GRM8: variants seen among roughly 807,000 people sequenced by gnomAD.
GRM8 encodes the protein glutamate metabotropic receptor 8.
In GRM8, 47 loss-of-function variants were observed where a neutral mutation model predicts 87.2. The ratio of observed to expected loss-of-function variants is 0.54; its 90% CI spans 0.43 to 0.69. The LOEUF is 0.69. Among genes scored for constraint, GRM8 ranks in the 30% least tolerant of loss-of-function variants. The pLI is 0.00. For missense variants in GRM8, 1,019 were observed against 1,139.2 expected (o/e 0.89, Z 1.52); for synonymous variants, 396 against 404.5 (o/e 0.98, Z 0.25).
intron 9 of GRM8, among the ~76,000 whole-genome samples, chr7:126,475,732 A>C (rs1179641966): frequency 1.3e-5 from 2 of 152,188 alleles, no homozygotes; most frequent in African/African-American, 4.8e-5. Flanking sequence ...ACAAAGCTAT[A>C]GTAATCAAAA....
In GRM8 at chr7:126,769,984, G is replaced by A; in HGVS notation, c.1238C>T (p.Ala413Val). 6.2e-7 allele frequency: 1 copy of A among 1,612,104 alleles called. No homozygotes were observed. The highest frequency in any genetic ancestry group is 8.5e-7 in the Non-Finnish European group (1 of 1,178,438). ...QFVIDAVYSM[A>V]YALHNMHKDL... The stretch of plus-strand genomic sequence containing the variant: ...TTTGTGCATATTGTGCAGGGCGTAA[G>A]CCATGGAATATACAGCATCAATTAC... The change falls in exon 7 of 11, where the codon GCT becomes GTT. Residue 413 changes from alanine (A) to valine (V), a missense_variant. Transcript: ENST00000339582.
chr7:127,094,392 C>T (rs1304844008), intron 3 of GRM8, among the ~76,000 whole-genome samples: 1 of 152,128 alleles, frequency 6.6e-6, no homozygotes, highest in Non-Finnish European at 1.5e-5. Context: ...ATGGGTAATC[C>T]CAGGGCCAAA....
In GRM8 at chr7:127,207,415, G is replaced by C. The variant is rs373404430; in HGVS notation, c.510+35280C>G. Among the ~76,000 whole-genome samples the C allele has an allele frequency of 2.6e-5, 4 of 152,126 alleles. No homozygotes were observed. In the South Asian group the frequency reaches 6.3e-4, roughly 24 times the overall value. On this transcript the variant is annotated intron_variant, in intron 2 of 10. Transcript: ENST00000339582. ...ATCATAAATGCTCATTTACTTATTC[G>C]ACAAATGCTTACTGAATGTTGGCAA...
intron 6 of GRM8, among the ~76,000 whole-genome samples, chr7:126,893,324 T>C (rs1329083206): frequency 6.6e-6 from 1 of 152,014 alleles, no homozygotes; most frequent in African/African-American, 2.4e-5. Flanking sequence ...ACTATATGTG[T>C]TTCTAGAATC....
intron 3 of GRM8, among the ~76,000 whole-genome samples, chr7:127,034,478 A>G (rs1218612647): frequency 6.6e-6 from 1 of 152,224 alleles, no homozygotes; most frequent in Non-Finnish European, 1.5e-5. Context: ...CAGCTAATCC[A>G]CTGCACAAAA....
At chr7:127,113,333 T>A (rs1407388170) in intron 2 of GRM8, among the ~76,000 whole-genome samples, 5 of 152,192 alleles carry the variant, frequency 3.3e-5, no homozygotes, top group Admixed American at 6.5e-5. Flanking sequence ...AAAGCACAGC[T>A]TAGAGGAAGC....
intron 8 of GRM8, among the ~76,000 whole-genome samples, chr7:126,598,059 CT>C (rs1797377614): frequency 6.6e-6 from 1 of 152,042 alleles, no homozygotes; most frequent in Admixed American, 6.6e-5. Context: ...ACCTAGCCTT[CT>C]TAATTCCCCT....
chr7:127,129,697 A>G (rs879526905), intron 2 of GRM8, among the ~76,000 whole-genome samples: 11 of 152,156 alleles, frequency 7.2e-5, no homozygotes, highest in Non-Finnish European at 1.0e-4. Context: ...TGGCAGCCCA[A>G]TCGTGAATGT....
At chr7:126,580,606 G>GAT (rs1795519706) in intron 8 of GRM8, among the ~76,000 whole-genome samples, 2 of 152,090 alleles carry the variant, frequency 1.3e-5, no homozygotes, top group Admixed American at 1.3e-4. Context: ...ATTGGCATCA[G>GAT]ATATATATGC....
rs146473037 is a variant in GRM8 at position 126,488,641 on chromosome 7, G to A, written c.2431-42269C>T. 4.8e-4 allele frequency among the ~76,000 whole-genome samples: 73 copies of A among 151,518 alleles called. 2 individuals carry two copies. The East Asian group carries it at 8.8e-3, about 18-fold the overall frequency. ...CTTCCAGGAGCCAGTCCAATTCATCGCCATTCCAGATCTCTGAACTATTTT... is the reference window on the plus strand; with the variant it reads ...CTTCCAGGAGCCAGTCCAATTCATCACCATTCCAGATCTCTGAACTATTTT... On this transcript the variant is annotated intron_variant, in intron 9 of 10. Coordinates refer to ENST00000339582, the MANE Select transcript of GRM8 (RefSeq NM_000845.3).
chr7:127,062,321 A>G lies in GRM8; in HGVS notation c.727+44175T>C, dbSNP rs148665687. ...ATGACTAAAAAGGATACACCAAGAG[A>G]GGAGCTGGCTTGACACAGCATGCAA... is the stretch of plus-strand genomic sequence containing the variant. On this transcript the variant is annotated intron_variant, in intron 3 of 10. Transcript: ENST00000339582. Among the ~76,000 whole-genome samples the G allele has an allele frequency of 2.0e-5, 3 of 152,298 alleles. No individual in the cohort carries two copies. In the East Asian group the frequency reaches 5.8e-4, roughly 29 times the overall value.
chr7:126,581,642 C>A (rs1226735116), intron 8 of GRM8, among the ~76,000 whole-genome samples: 8 of 151,974 alleles, frequency 5.3e-5, no homozygotes, highest in South Asian at 2.1e-4. Context: ...TTTTATTGTA[C>A]TTCACTGATA....
chr7:126,590,340 G>T (rs138476998), intron 8 of GRM8, among the ~76,000 whole-genome samples: 3 of 151,682 alleles, frequency 2.0e-5, no homozygotes, highest in East Asian at 3.9e-4. Flanking sequence ...AAGAAAAAAA[G>T]AATTTAAAAA....
At chr7:127,211,601 C>T (rs1796212776) in intron 2 of GRM8, among the ~76,000 whole-genome samples, 1 of 152,206 alleles carries the variant, frequency 6.6e-6, no homozygotes, top group South Asian at 2.1e-4. Context: ...ACTTAACCCC[C>T]AGGGTGATGT....
intron 9 of GRM8, among the ~76,000 whole-genome samples, chr7:126,516,133 A>G (rs894617191): frequency 6.6e-6 from 1 of 152,060 alleles, no homozygotes; most frequent in African/African-American, 2.4e-5. Context: ...GATTCATCTT[A>G]TCAATCTACT....
chr7:126,912,380 T>C (rs573492913), intron 3 of GRM8, among the ~76,000 whole-genome samples: 1 of 152,306 alleles, frequency 6.6e-6, no homozygotes, highest in East Asian at 1.9e-4. Context: ...GCTGGGACAT[T>C]GATCTTCTCC....
intron 7 of GRM8, among the ~76,000 whole-genome samples, chr7:126,633,363 A>G (rs1801532818): frequency 6.6e-6 from 1 of 152,166 alleles, no homozygotes; most frequent in Non-Finnish European, 1.5e-5. Flanking sequence ...ATATTCATGT[A>G]GTTTCATCTA....
intron 2 of GRM8, among the ~76,000 whole-genome samples, chr7:127,234,455 G>A (rs1465361744): frequency 3.3e-5 from 5 of 152,206 alleles, no homozygotes; most frequent in Non-Finnish European, 2.9e-5. Context: ...CAGCTGCTGT[G>A]ATTATGACCA....
chr7:126,774,806 C>G (rs1251861892), intron 6 of GRM8, among the ~76,000 whole-genome samples: 1 of 152,100 alleles, frequency 6.6e-6, no homozygotes, highest in Non-Finnish European at 1.5e-5. Context: ...AGAGAAATTT[C>G]AGACTTTGAT....
Sources: gnomAD v4.1 joint callset for allele counts (sites outside exome capture counted in the v4.1 genomes callset) on GRCh38, gnomAD v4.1.1 for gene constraint, MANE v1.5 for transcripts, NCBI Gene and HGNC (gene_info 2026-07-23, HGNC 2026-07-21) for gene names.